CTNNA2: variants seen among roughly 807,000 people sequenced by gnomAD.
CTNNA2 encodes the protein catenin alpha 2.
CTNNA2 carries 42 observed loss-of-function variants against 101.0 expected under a neutral mutation model. The observed-to-expected ratio is 0.42, with a 90% CI of 0.32 to 0.54. The LOEUF is 0.54. CTNNA2 is among the 20% of genes least tolerant of loss of function. CTNNA2 has a pLI of 0.14. For missense variants in CTNNA2, 871 were observed against 1,223.1 expected (o/e 0.71, Z 4.29); for synonymous variants, 450 against 456.4 (o/e 0.99, Z 0.18).
chr2:79,566,037 TG>T (rs1675093070), intron 1 of CTNNA2, among the ~76,000 whole-genome samples: 1 of 151,694 alleles, frequency 6.6e-6, no homozygotes, highest in South Asian at 2.1e-4. Flanking sequence ...ACCAGGTGAG[TG>T]GGGTGCCCTG....
intron 3 of CTNNA2, among the ~76,000 whole-genome samples, chr2:79,827,609 T>G (rs558991585): frequency 6.6e-6 from 1 of 152,150 alleles, no homozygotes; most frequent in African/African-American, 2.4e-5. Context: ...AGCCAGAAAT[T>G]GACTTTACAG....
chr2:79,542,267 C>CGAAA (rs1176908955), intron 1 of CTNNA2, among the ~76,000 whole-genome samples: 2 of 151,946 alleles, frequency 1.3e-5, no homozygotes, highest in Admixed American at 6.5e-5. Flanking sequence ...CCTTCAAAAT[C>CGAAA]GAAAGAAAGA....
intron 7 of CTNNA2, among the ~76,000 whole-genome samples, chr2:80,071,057 C>T (rs1374607645): frequency 6.6e-6 from 1 of 152,188 alleles, no homozygotes; most frequent in Admixed American, 6.5e-5. Context: ...TCAGGTAACA[C>T]TTACAGGCTC....
intron 7 of CTNNA2, among the ~76,000 whole-genome samples, chr2:80,250,709 T>C (rs1309721942): frequency 6.6e-6 from 1 of 151,896 alleles, no homozygotes; most frequent in East Asian, 1.9e-4. Flanking sequence ...GAGGAGAAAA[T>C]AAAAGGTTCA....
At chr2:80,490,149 C>T (rs939269022) in intron 9 of CTNNA2, among the ~76,000 whole-genome samples, 4 of 151,972 alleles carry the variant, frequency 2.6e-5, no homozygotes, top group African/African-American at 9.7e-5. Flanking sequence ...ATTAGAATGT[C>T]AATTACAAAT....
chr2:79,423,711 G>A (rs1233385728), intron 4 of CTNNA2, among the ~76,000 whole-genome samples: 1 of 152,172 alleles, frequency 6.6e-6, no homozygotes, highest in Non-Finnish European at 1.5e-5. Context: ...ACGGCTTGTG[G>A]CAAAAGGGAT....
chr2:80,459,366 A>G (rs1306774895), intron 9 of CTNNA2, among the ~76,000 whole-genome samples: 1 of 152,196 alleles, frequency 6.6e-6, no homozygotes, highest in Non-Finnish European at 1.5e-5. Flanking sequence ...AGGACGTAGA[A>G]GACCAGAAGG....
At chr2:80,644,228 G>C (rs1047735091) in intron 18 of CTNNA2, among the ~76,000 whole-genome samples, 2 of 151,990 alleles carry the variant, frequency 1.3e-5, no homozygotes, top group Admixed American at 6.6e-5. Context: ...TTATTAAATG[G>C]GGAGTAATAA....
At chr2:79,868,068 C>T (rs1298350844) in intron 4 of CTNNA2, among the ~76,000 whole-genome samples, 1 of 152,108 alleles carries the variant, frequency 6.6e-6, no homozygotes, top group African/African-American at 2.4e-5. Flanking sequence ...TGTAATTTGA[C>T]TTGGGTGCCT....
At chr2:79,290,268 T>C (rs902336215) in intron 2 of CTNNA2, among the ~76,000 whole-genome samples, 1 of 152,172 alleles carries the variant, frequency 6.6e-6, no homozygotes, top group Admixed American at 6.5e-5. Flanking sequence ...TGTTGATTAA[T>C]AGAGCATTGG....
At chr2:79,709,803 A>T (rs1427733307) in intron 2 of CTNNA2, among the ~76,000 whole-genome samples, 1 of 152,120 alleles carries the variant, frequency 6.6e-6, no homozygotes, top group Non-Finnish European at 1.5e-5. Context: ...AAGGAAGAGT[A>T]AGAGAAATAT....
At chr2:80,402,725 A>G (rs951913949) in intron 8 of CTNNA2, among the ~76,000 whole-genome samples, 14 of 149,886 alleles carry the variant, frequency 9.3e-5, no homozygotes, top group African/African-American at 3.2e-4. Context: ...ACCAGGGGCA[A>G]TGGCAAATTT....
chr2:79,432,663 C>T (rs1678670732), intron 4 of CTNNA2, among the ~76,000 whole-genome samples: 1 of 152,078 alleles, frequency 6.6e-6, no homozygotes, highest in Non-Finnish European at 1.5e-5. Flanking sequence ...GATCAACTAC[C>T]CCTCCCCACC....
At chr2:80,278,583 G>A (rs1000063073) in intron 7 of CTNNA2, among the ~76,000 whole-genome samples, 3 of 152,096 alleles carry the variant, frequency 2.0e-5, no homozygotes, top group African/African-American at 4.8e-5. Context: ...TGTTTTCCAA[G>A]TATCCATTTG....
intron 2 of CTNNA2, among the ~76,000 whole-genome samples, chr2:79,240,761 G>A (rs886505208): frequency 6.6e-6 from 1 of 152,174 alleles, no homozygotes; most frequent in African/African-American, 2.4e-5. Context: ...GGGGCAATGA[G>A]GTTTCTGGGG....
intron 7 of CTNNA2, among the ~76,000 whole-genome samples, chr2:80,117,441 A>T (rs1455943480): frequency 1.8e-5 from 2 of 110,372 alleles, no homozygotes; most frequent in Non-Finnish European, 3.8e-5. Flanking sequence ...TTCAGCATAG[A>T]TGGTTCCTGT....
intron 3 of CTNNA2, among the ~76,000 whole-genome samples, chr2:79,364,042 A>G (rs1324693686): frequency 6.6e-6 from 1 of 152,212 alleles, no homozygotes; most frequent in Admixed American, 6.5e-5. Flanking sequence ...CTTAACATGC[A>G]TGGGGCACCA....
At chr2:79,658,539 G>T (rs1174508122) in intron 2 of CTNNA2, among the ~76,000 whole-genome samples, 2 of 151,980 alleles carry the variant, frequency 1.3e-5, no homozygotes, top group Non-Finnish European at 2.9e-5. Context: ...ACATGGATTT[G>T]CTTATTGCAT....
chr2:80,596,370 C>T lies in CTNNA2; in HGVS notation c.2189+6885C>T, dbSNP rs547420673. 1.8e-3 allele frequency among the ~76,000 whole-genome samples: 226 copies of T among 123,714 alleles called. 3 individuals carry two copies. The highest frequency in any genetic ancestry group is 6.0e-3 in the African/African-American group (197 of 32,962). The allele number at this position is 123,714 out of a possible 152,430, so 81.2% of individuals were successfully genotyped here. A position where few individuals can be genotyped will look rare whatever the true frequency, so the allele number is the denominator to read the frequency against. On this transcript the variant is annotated intron_variant, in intron 15 of 18. Transcript: ENST00000402739. ...TGTTGCCAAGGCTGGAGTGCAGTGG[C>T]GTGATCTCGGCTCACTGCAAGCTCC...
Sources: allele counts gnomAD v4.1 joint callset (sites outside exome capture counted in the v4.1 genomes callset), GRCh38; gene constraint gnomAD v4.1.1; transcripts MANE v1.5; gene names NCBI Gene and HGNC (gene_info 2026-07-23, HGNC 2026-07-21).